Variants in DDX17 observed in about 807,000 individuals in gnomAD.
DDX17 encodes the protein DEAD-box helicase 17, also known as probable ATP-dependent RNA helicase DDX17.
DDX17 carries 10 observed loss-of-function variants against 80.8 expected under a neutral mutation model. The observed-to-expected ratio is 0.12, with a 90% CI of 0.08 to 0.21. DDX17 has a LOEUF of 0.21. Among genes scored for constraint, DDX17 ranks in the 10% least tolerant of loss-of-function variants. The pLI is 1.00. For synonymous variants in DDX17, 339 were observed against 336.2 expected, an observed-to-expected ratio of 1.01 and a Z score of -0.09; for missense variants, 586 against 957.4, an observed-to-expected ratio of 0.61 and a Z score of 5.12.
rs1045189379 is a variant in DDX17, at chr22:38,494,988, C to T, written c.939G>A (p.Lys313=). ...GGTAAGTACATCGGCGAAGATTTGT[C>T]TTTCCTGACTCCAGGAAATCTATCA... The change falls in exon 7 of 13, where the codon AAG becomes AAA. Residue 313 remains lysine, a synonymous_variant. Coordinates refer to ENST00000403230, the MANE Select transcript of DDX17 (RefSeq NM_006386.5). 20 of 1,614,088 alleles carry T rather than the reference C, an allele frequency of 1.2e-5. No homozygotes were observed. The highest frequency in any genetic ancestry group is 1.6e-5 in the Non-Finnish European group (19 of 1,180,050).
At position 38,485,747 on chromosome 22, in the gene DDX17, G is replaced by A. The variant is rs190568155; in HGVS notation, c.*188C>T. ...CCAGACTGGATCATTTTGGTGGGCA[G>A]AAGAAACCTGGCAGTGAATTCTAAC... On this transcript the variant is annotated 3_prime_UTR_variant, in exon 13 of 13. Transcript: ENST00000403230. The A allele has an allele frequency of 1.5e-6, 1 of 688,186 alleles. No individual in the cohort carries two copies. Among genetic ancestry groups the A allele is most frequent in the East Asian group, 3.4e-5 (1 of 29,828 alleles). 42.6% of individuals were successfully genotyped at this position (688,186 alleles called of 1,614,324 possible).
At chr22:38,488,341 T>G (rs2089682299) in intron 11 of DDX17, 13 of 1,410,462 alleles carry the variant, frequency 9.2e-6, no homozygotes, top group Non-Finnish European at 1.1e-5. Context: ...CTTTATTGGC[T>G]GTAGAATCCT....
At chr22:38,495,682 A>T in intron 6 of DDX17, 114 bp downstream of exon 6, 1 of 814,466 alleles carries the variant, frequency 1.2e-6, no homozygotes, top group Non-Finnish European at 1.8e-6. Flanking sequence ...GAGAATTTCT[A>T]AGCTGCTGAA....
intron 5 of DDX17, among the ~76,000 whole-genome samples, chr22:38,496,780 CTG>C (rs1187282817): frequency 6.6e-6 from 1 of 152,104 alleles, no homozygotes; most frequent in African/African-American, 2.4e-5. Flanking sequence ...TCTGACAAGA[CTG>C]TGTACAATCT....
rs1569139215 is a variant in DDX17 at position 38,493,692 on chromosome 22, G to A, written c.1387+18C>T. The A allele has an allele frequency of 1.3e-6, 2 of 1,594,544 alleles. No homozygotes were observed. Among genetic ancestry groups the A allele is most frequent in the Non-Finnish European group, 8.6e-7 (1 of 1,162,318 alleles). ...AGGGGGTGGGGAATCAACAGAAAAT[G>A]CTTAGTTTTAAACTTACCATTAAGT... On this transcript the variant is annotated intron_variant, in intron 10 of 12. Transcript: ENST00000403230.
At chr22:38,500,845 A>AAAAAAAAAAAAT (rs1335675652) in intron 2 of DDX17, among the ~76,000 whole-genome samples, 1 of 139,396 alleles carries the variant, frequency 7.2e-6, no homozygotes, top group Admixed American at 7.2e-5. Flanking sequence ...AAAAAAAAAA[A>AAAAAAAAAAAAT]ATCAGCTGGG....
chr22:38,489,866 C>G lies in DDX17; in HGVS notation c.1448-1751G>C, dbSNP rs972606333. On this transcript the variant is annotated intron_variant, in intron 11 of 12. Transcript: ENST00000403230. This position sits in a 1 kb window ranked among gnomAD's most constrained non-coding sequence, Gnocchi z 4.6. Reference sequence around the variant, plus strand: ...AAGACAGGGGGTGGGGAATTCTACTCCATGGTATCTTCAGAGCTAGGATAA... The same window carrying G: ...AAGACAGGGGGTGGGGAATTCTACTGCATGGTATCTTCAGAGCTAGGATAA... 1.0e-6 allele frequency: 1 copy of G among 985,778 alleles called. No homozygotes were observed. Among genetic ancestry groups the G allele is most frequent in the Non-Finnish European group, 1.2e-6 (1 of 830,332 alleles). 61.1% of individuals were successfully genotyped at this position (985,778 alleles called of 1,614,324 possible).
At chr22:38,491,817 G>A (rs2089716299) in intron 11 of DDX17, 3 of 413,466 alleles carry the variant, frequency 7.3e-6, no homozygotes, top group South Asian at 4.3e-5. Context: ...ACCAAAGCCT[G>A]TTTGTTAGGA....
intron 5 of DDX17, 141 bp downstream of exon 5, chr22:38,497,943 TC>T: frequency 1.4e-6 from 1 of 728,532 alleles, no homozygotes; most frequent in Admixed American, 3.0e-5. Context: ...GTCATTTAAT[TC>T]CAAGTAAGAT....
At position 38,485,176 on chromosome 22, in the gene DDX17, C is replaced by G. The variant is rs927724501; in HGVS notation, c.*759G>C. 1 of 152,032 alleles carries G rather than the reference C, an allele frequency of 6.6e-6. No individual in the cohort carries two copies. Among genetic ancestry groups the G allele is most frequent in the African/African-American group, 2.4e-5 (1 of 41,352 alleles). 9.4% of individuals were successfully genotyped at this position (152,032 alleles called of 1,614,324 possible). A position where few individuals can be genotyped will look rare whatever the true frequency, so the allele number is the denominator to read the frequency against. On this transcript the variant is annotated 3_prime_UTR_variant, in exon 13 of 13. Transcript: ENST00000403230. Reference sequence around the variant, plus strand: ...AATATAGGCAGCTTCCACCCAGATGCTGAGATGCTACAGTTTAACCACTAC... The same window carrying G: ...AATATAGGCAGCTTCCACCCAGATGGTGAGATGCTACAGTTTAACCACTAC...
chr22:38,495,858 A>C lies in DDX17; in HGVS notation c.818T>G (p.Leu273Trp). 1 of 1,612,624 alleles carries C rather than the reference A, an allele frequency of 6.2e-7. No homozygotes were observed. Among genetic ancestry groups the C allele is most frequent in the Non-Finnish European group, 8.5e-7 (1 of 1,179,312 alleles). Residue 273 changes from leucine to tryptophan, a missense_variant, in exon 6 of 13, where the codon TTG becomes TGG. Transcript: ENST00000403230. Reference sequence around the variant, plus strand: ...ACCTCCATAAATACAAGTACTCTTCAATCTAGAACATTTGCCATAGTCATC... The same window carrying C: ...ACCTCCATAAATACAAGTACTCTTCCATCTAGAACATTTGCCATAGTCATC...
intron 10 of DDX17, chr22:38,493,462 T>C (rs898377950): frequency 2.1e-5 from 9 of 437,848 alleles, no homozygotes; most frequent in African/African-American, 8.1e-5. Flanking sequence ...GTTAGGATTA[T>C]AGGCATGAGC....
intron 10 of DDX17, 73 bp from the exon 11 acceptor site, chr22:38,492,188 A>G: frequency 7.8e-7 from 1 of 1,285,596 alleles, no homozygotes; most frequent in African/African-American, 1.5e-5. Flanking sequence ...AACCATGTTA[A>G]AATTTCAAAT....
In DDX17 at chr22:38,484,268, A is replaced by T. The variant is rs1241684774; in HGVS notation, c.*1667T>A. ...ATGGGGGGGGGACAAAAAGAGAAGT[A>T]AAGTTAAGAAGAAAGTGGAAAATTA... On this transcript the variant is annotated 3_prime_UTR_variant, in exon 13 of 13. Transcript: ENST00000403230. The T allele has an allele frequency of 6.6e-6, 1 of 152,606 alleles. No homozygotes were observed. Among genetic ancestry groups the T allele is most frequent in the African/African-American group, 2.4e-5 (1 of 41,418 alleles). 9.5% of individuals were successfully genotyped at this position (152,606 alleles called of 1,614,324 possible).
chr22:38,488,128 T>C lies in DDX17; in HGVS notation c.1448-13A>G. On this transcript the variant is annotated splice_polypyrimidine_tract_variant and intron_variant, in intron 11 of 12. Coordinates refer to ENST00000403230, the MANE Select transcript of DDX17 (RefSeq NM_006386.5). ...ACATCTTCCACATCTTCCACGTCAATGATGAGTCAGTGTGTAGGTTGATGT... is the reference window on the plus strand; with the variant it reads ...ACATCTTCCACATCTTCCACGTCAACGATGAGTCAGTGTGTAGGTTGATGT... 6.2e-7 allele frequency: 1 copy of C among 1,614,056 alleles called. No homozygotes were observed. Among genetic ancestry groups the C allele is most frequent in the Non-Finnish European group, 8.5e-7 (1 of 1,180,004 alleles).
intron 12 of DDX17, among the ~76,000 whole-genome samples, chr22:38,487,527 G>A (rs1411621756): frequency 2.0e-5 from 3 of 152,182 alleles, no homozygotes; most frequent in African/African-American, 4.8e-5. Flanking sequence ...GCTGAGGCAG[G>A]AGAATCACTT....
chr22:38,495,266 G>T lies in DDX17; in HGVS notation c.881-220C>A, dbSNP rs1489100704. ...AAGCTATTTTTTTTTTTTTTTTTGA[G>T]ATGGAGTCTTGCTCTGTCACCCAGA... On this transcript the variant is annotated intron_variant, in intron 6 of 12. Transcript: ENST00000403230. 1.0e-4 allele frequency among the ~76,000 whole-genome samples: 7 copies of T among 70,288 alleles called. No homozygotes were observed. The South Asian group carries it at 3.2e-3, about 32-fold the overall frequency. The allele number at this position is 70,288 out of a possible 152,430, so 46.1% of individuals were successfully genotyped here. A position where few individuals can be genotyped will look rare whatever the true frequency, so the allele number is the denominator to read the frequency against.
intron 11 of DDX17, chr22:38,491,331 ATC>A (rs1459676218): frequency 6.6e-6 from 1 of 152,192 alleles, no homozygotes; most frequent in East Asian, 1.9e-4. Context: ...AATACAAATA[ATC>A]TTTTTTTTTA....
In DDX17 at chr22:38,505,979, C is replaced by T. The variant is rs769562333; in HGVS notation, c.259G>A (p.Asp87Asn). The T allele has an allele frequency of 1.9e-6, 3 of 1,591,814 alleles. No homozygotes were observed. The highest frequency in any genetic ancestry group is 2.6e-6 in the Non-Finnish European group (3 of 1,169,630). Residue 87 changes from aspartate to asparagine, a missense_variant, in exon 1 of 13, where the codon GAC becomes AAC. This residue lies in a region of DDX17 where 215 missense variants were observed against 238.4 expected (regional missense o/e 0.90). Coordinates refer to ENST00000403230, the MANE Select transcript of DDX17 (RefSeq NM_006386.5). ...CCACGGTCACGATCCCGGTCCCGGT[C>T]CCCAAAGCCTCCTCCGCGCATGGTC...
Sources: gnomAD v4.1 joint callset for allele counts (sites outside exome capture counted in the v4.1 genomes callset) on GRCh38, gnomAD v4.1.1 for gene constraint, gnomAD v4.1.1 regional missense constraint, Gnocchi (gnomAD v3.1) non-coding constraint, MANE v1.5 for transcripts, NCBI Gene and HGNC (gene_info 2026-07-23, HGNC 2026-07-21) for gene names.